SIPA1L3: variants seen among roughly 807,000 people sequenced by gnomAD.
SIPA1L3 encodes the protein signal induced proliferation associated 1 like 3.
A neutral mutation model predicts 150.1 loss-of-function variants in SIPA1L3; 59 were observed. That is an observed-to-expected ratio of 0.39 (90% CI 0.32 to 0.49). The LOEUF (loss-of-function observed/expected upper bound fraction) is 0.49. Among genes scored for constraint, SIPA1L3 ranks in the 20% least tolerant of loss-of-function variants. The pLI is 0.86. For missense variants in SIPA1L3, 2,211 were observed against 2,489.5 expected (o/e 0.89, Z 2.38); for synonymous variants, 1,070 against 1,077.6 (o/e 0.99, Z 0.14).
At chr19:38,100,868 G>C (rs375913684) in intron 5 of SIPA1L3, among the ~76,000 whole-genome samples, 184 bp from the exon 6 acceptor site, 1 of 152,224 alleles carries the variant, frequency 6.6e-6, no homozygotes, top group African/African-American at 2.4e-5. Flanking sequence ...TGGAAGGGAG[G>C]GGGAGGGACA....
At chr19:37,968,063 CTCTT>C (rs74174499) in intron 1 of SIPA1L3, among the ~76,000 whole-genome samples, 42,214 of 143,484 alleles carry the variant, frequency 0.29, 6,593 homozygotes, top group Non-Finnish European at 0.36. Context: ...ATGGCCTCAT[CTCTT>C]TCTTTCTTTC....
In SIPA1L3 at chr19:38,164,586, A is replaced by G; in HGVS notation, c.3888A>G (p.Pro1296=). The G allele has an allele frequency of 6.2e-7, 1 of 1,614,090 alleles. No homozygotes were observed. The highest frequency in any genetic ancestry group is 8.5e-7 in the Non-Finnish European group (1 of 1,180,000). The change falls in exon 15 of 22, where the codon CCA becomes CCG. Residue 1296 remains proline, a synonymous_variant. Coordinates refer to ENST00000222345, the MANE Select transcript of SIPA1L3 (RefSeq NM_015073.3). This position sits in a 1 kb window ranked among gnomAD's most constrained non-coding sequence, Gnocchi z 4.1. ...TCGACCCCCTGGACCCCCTGGAGCC[A>G]GAGCAAGACCCCCTCTCCAAGGGTG... ...RWFDPLDPLE[P]EQDPLSKGGS... is the part of the protein sequence containing the mutation.
intron 6 of SIPA1L3, among the ~76,000 whole-genome samples, chr19:38,104,678 T>A (rs1970581696): frequency 6.6e-6 from 1 of 152,098 alleles, no homozygotes; most frequent in African/African-American, 2.4e-5. Flanking sequence ...TTCAAGGGAC[T>A]CTCCCACCTC....
At chr19:37,958,896 A>G (rs1490203667) in intron 1 of SIPA1L3, among the ~76,000 whole-genome samples, 2 of 152,386 alleles carry the variant, frequency 1.3e-5, no homozygotes, top group East Asian at 3.9e-4. Flanking sequence ...CTCTTTCTCC[A>G]AAACATCCAA....
chr19:37,990,569 G>A (rs1182192272), intron 1 of SIPA1L3, among the ~76,000 whole-genome samples: 5 of 152,246 alleles, frequency 3.3e-5, no homozygotes, highest in African/African-American at 1.2e-4. Flanking sequence ...TGGACGATGA[G>A]TACAGCTCTT....
intron 1 of SIPA1L3, among the ~76,000 whole-genome samples, chr19:38,024,365 TC>T (rs1229081583): frequency 1.3e-5 from 2 of 152,182 alleles, no homozygotes; most frequent in Non-Finnish European, 2.9e-5. Flanking sequence ...GACAGACACT[TC>T]CTTGTAGGCC....
chr19:38,048,382 C>T (rs1969109162), intron 2 of SIPA1L3, among the ~76,000 whole-genome samples: 1 of 152,132 alleles, frequency 6.6e-6, no homozygotes, highest in Non-Finnish European at 1.5e-5. Context: ...AGAATGGCTT[C>T]CAGTGATAAT....
chr19:38,097,282 G>A (rs1050842484), intron 4 of SIPA1L3, among the ~76,000 whole-genome samples: 5 of 152,220 alleles, frequency 3.3e-5, no homozygotes, highest in East Asian at 3.9e-4. Context: ...CCAGGAGGTC[G>A]AGGCTGCAGT....
chr19:37,962,517 A>T (rs1454881831), intron 1 of SIPA1L3, among the ~76,000 whole-genome samples: 1 of 121,528 alleles, frequency 8.2e-6, no homozygotes, highest in African/African-American at 3.2e-5. Context: ...TGCCCAGGCC[A>T]GAGTGCAGTG....
In SIPA1L3 at chr19:38,172,354, C is replaced by A. The variant is rs187459008; in HGVS notation, c.4208+7448C>A. On this transcript the variant is annotated intron_variant, in intron 15 of 21. Coordinates refer to ENST00000222345, the MANE Select transcript of SIPA1L3 (RefSeq NM_015073.3). ...GGGGACTGATTCTTCCAGTCACTGA[C>A]CTTTGCAGCCCCTACTCTGTGCCAG... is the stretch of plus-strand genomic sequence containing the variant. Among the ~76,000 whole-genome samples the A allele has an allele frequency of 1.8e-4, 27 of 152,294 alleles. No individual in the cohort carries two copies. The East Asian group carries it at 4.8e-3, about 27-fold the overall frequency.
intron 1 of SIPA1L3, among the ~76,000 whole-genome samples, chr19:37,957,592 G>A (rs563222387): frequency 7.4e-5 from 11 of 148,644 alleles, no homozygotes; most frequent in Non-Finnish European, 3.0e-5. Context: ...GGATCTCACT[G>A]TTACCCAGTC....
Position 38,119,716 on chromosome 19 carries a change from A to T in SIPA1L3, c.2702A>T (p.Asp901Val), listed in dbSNP as rs750937028. The T allele has an allele frequency of 3.8e-5, 61 of 1,614,164 alleles. No individual in the cohort carries two copies. Among genetic ancestry groups the T allele is most frequent in the Non-Finnish European group, 5.0e-5 (59 of 1,180,016 alleles). The change falls in exon 9 of 22, where the codon GAC becomes GTC. Residue 901 changes from aspartate (D) to valine (V), a missense_variant. By Grantham distance (152) the Asp-to-Val change is radical (BLOSUM62 -3). This residue lies in a region of SIPA1L3 where 625 missense variants were observed against 804.2 expected (regional missense o/e 0.78). Coordinates refer to ENST00000222345, the MANE Select transcript of SIPA1L3 (RefSeq NM_015073.3). ...GISNEFVVLL[D>V]LRTKEVVFNC... ...TCCAATGAGTTTGTGGTGCTCCTGG[A>T]CTTACGCACCAAGGAGGTGGTGTTC...
intron 1 of SIPA1L3, among the ~76,000 whole-genome samples, chr19:37,936,971 C>A (rs1226180693): frequency 1.3e-5 from 2 of 152,106 alleles, no homozygotes; most frequent in African/African-American, 2.4e-5. Flanking sequence ...TTTTTAAAAT[C>A]TTTTGAGAGT....
chr19:37,944,079 C>G (rs1421478902), intron 1 of SIPA1L3, among the ~76,000 whole-genome samples: 2 of 151,936 alleles, frequency 1.3e-5, no homozygotes, highest in African/African-American at 4.8e-5. Flanking sequence ...GAGTTCGAGA[C>G]CAGCCTGGCC....
intron 14 of SIPA1L3, among the ~76,000 whole-genome samples, chr19:38,163,781 A>G (rs1600156550): frequency 6.6e-6 from 1 of 152,140 alleles, no homozygotes; most frequent in East Asian, 1.9e-4. Context: ...GGAGACCGGG[A>G]CCCAAGCATC....
chr19:38,015,721 TAAAAAAAA>T (rs59452393), intron 1 of SIPA1L3, among the ~76,000 whole-genome samples: 2 of 102,166 alleles, frequency 2.0e-5, no homozygotes, highest in African/African-American at 7.6e-5. Flanking sequence ...AAGATCCTGT[TAAAAAAAA>T]AAAAAAAAAA....
intron 15 of SIPA1L3, among the ~76,000 whole-genome samples, chr19:38,165,281 C>G (rs982435152): frequency 6.6e-6 from 1 of 152,086 alleles, no homozygotes; most frequent in African/African-American, 2.4e-5. Flanking sequence ...GAAACCTGAC[C>G]CTCTGTGGCT....
At chr19:38,200,065 C>T (rs1973050401) in intron 19 of SIPA1L3, 1 of 151,996 alleles carries the variant, frequency 6.6e-6, no homozygotes, top group Non-Finnish European at 1.5e-5. Flanking sequence ...CCTGTCACTA[C>T]AAAAAAATTT....
At chr19:38,100,196 G>A in intron 5 of SIPA1L3, 46 bp downstream of exon 5, 2 of 1,382,668 alleles carry the variant, frequency 1.4e-6, no homozygotes, top group Non-Finnish European at 9.6e-7. Flanking sequence ...GCAGTACCTT[G>A]CAACCCCACT....
Sources: allele counts gnomAD v4.1 joint callset (sites outside exome capture counted in the v4.1 genomes callset), GRCh38; gene constraint gnomAD v4.1.1; regional missense constraint gnomAD v4.1.1; non-coding constraint Gnocchi (gnomAD v3.1); transcripts MANE v1.5; gene names NCBI Gene and HGNC (gene_info 2026-07-23, HGNC 2026-07-21).